Variants in DLG1 observed in about 807,000 individuals in gnomAD.
DLG1 encodes the protein disks large homolog 1.
DLG1 carries 42 observed loss-of-function variants against 123.4 expected under a neutral mutation model. The observed-to-expected ratio is 0.34, with a 90% confidence interval of 0.27 to 0.44. The LOEUF is 0.44. DLG1 is among the 20% of genes least tolerant of loss of function. DLG1 has a pLI of 1.00. For missense variants in DLG1, 942 were observed against 1,082.6 expected (o/e 0.87, Z 1.82); for synonymous variants, 317 against 356.2 (o/e 0.89, Z 1.24).
At chr3:197,294,470 C>A (rs1776399502) in intron 3 of DLG1, among the ~76,000 whole-genome samples, 1 of 152,016 alleles carries the variant, frequency 6.6e-6, no homozygotes, top group Non-Finnish European at 1.5e-5. Flanking sequence ...CACAGTGAAA[C>A]CCCGTCTTTA....
intron 5 of DLG1, among the ~76,000 whole-genome samples, chr3:197,168,109 AT>A (rs1301757428): frequency 6.6e-6 from 1 of 152,204 alleles, no homozygotes; most frequent in African/African-American, 2.4e-5. Context: ...TTAATGTTAC[AT>A]TTTAATCCCA....
In DLG1 at chr3:197,065,854, A is replaced by G. The variant is rs1560430243; in HGVS notation, c.2099-45T>C. The G allele has an allele frequency of 5.8e-6, 7 of 1,201,842 alleles. No homozygotes were observed. The South Asian group carries it at 8.0e-5, about 14-fold the overall frequency. 74.4% of individuals were successfully genotyped at this position (1,201,842 alleles called of 1,614,324 possible). A position where few individuals can be genotyped will look rare whatever the true frequency, so the allele number is the denominator to read the frequency against. On this transcript the variant is annotated intron_variant, in intron 20 of 24. Coordinates refer to ENST00000667157, the MANE Select transcript of DLG1 (RefSeq NM_001366207.1). ...GTTAAAAGGAATAAACATTCAACAA[A>G]TATCAATGTATTTTATTTCACCAGC...
At chr3:197,240,582 C>T (rs1748330029) in intron 4 of DLG1, among the ~76,000 whole-genome samples, 1 of 151,942 alleles carries the variant, frequency 6.6e-6, no homozygotes, top group South Asian at 2.1e-4. Flanking sequence ...GCTCTCTGAC[C>T]AATATTCAAA....
chr3:197,263,349 G>T (rs76094233), intron 4 of DLG1, among the ~76,000 whole-genome samples: 74 of 1,656 alleles, frequency 0.045, no homozygotes, highest in Non-Finnish European at 0.074. Context: ...CATTTTCTTC[G>T]GGGGGGTGGG....
intron 4 of DLG1, among the ~76,000 whole-genome samples, chr3:197,255,312 G>C (rs1220699044): frequency 6.6e-6 from 1 of 152,054 alleles, no homozygotes; most frequent in Admixed American, 6.6e-5. Flanking sequence ...AATAAAACCT[G>C]TTTGATTTAG....
intron 5 of DLG1, among the ~76,000 whole-genome samples, chr3:197,174,868 T>C (rs1806164729): frequency 6.6e-6 from 1 of 152,196 alleles, no homozygotes; most frequent in African/African-American, 2.4e-5. Context: ...ACAACACAAA[T>C]TGTAAAGCAA....
intron 24 of DLG1, among the ~76,000 whole-genome samples, chr3:197,049,662 G>C (rs146050195): frequency 0.021 from 2,928 of 138,788 alleles, 75 homozygotes; most frequent in African/African-American, 0.066. Context: ...TGAGGCAGGA[G>C]AATCGCTTGA....
intron 4 of DLG1, among the ~76,000 whole-genome samples, chr3:197,235,657 A>G (rs1380740950): frequency 6.6e-6 from 1 of 152,226 alleles, no homozygotes; most frequent in African/African-American, 2.4e-5. Context: ...AAATGACTTA[A>G]TTGCCTTCCA....
rs111795895 is a variant in DLG1 at position 197,107,417 on chromosome 3, C to T, written c.1444-2412G>A. 8.2e-3 allele frequency among the ~76,000 whole-genome samples: 1,249 copies of T among 152,114 alleles called. 12 individuals are homozygous for T. Among genetic ancestry groups the T allele is most frequent in the African/African-American group, 0.027 (1,128 of 41,490 alleles). On this transcript the variant is annotated intron_variant, in intron 13 of 24. Transcript: ENST00000667157. ...AAAATTAGCCGGGCGTGGTGGCAGG[C>T]ACCTGTAGTCCCAGCTACTTGGGAG...
At chr3:197,117,761 T>C (rs1579579250) in intron 12 of DLG1, among the ~76,000 whole-genome samples, 1 of 152,128 alleles carries the variant, frequency 6.6e-6, no homozygotes, top group Non-Finnish European at 1.5e-5. Flanking sequence ...GTTCCGAAAA[T>C]TGTGAATGCA....
chr3:197,140,104 T>C lies in DLG1; in HGVS notation c.713+36A>G, dbSNP rs760064465. 6.3e-6 allele frequency: 10 copies of C among 1,596,018 alleles called. No individual in the cohort carries two copies. The East Asian group carries it at 2.0e-4, about 32-fold the overall frequency. ...TCTGCTTCAAGAAAAATACACAAAG[T>C]GGATTCAGCATCACAATAAAAAGCG... On this transcript the variant is annotated intron_variant, in intron 8 of 24. Coordinates refer to ENST00000667157, the MANE Select transcript of DLG1 (RefSeq NM_001366207.1).
At chr3:197,200,011 T>A (rs531235611) in intron 4 of DLG1, among the ~76,000 whole-genome samples, 1 of 152,190 alleles carries the variant, frequency 6.6e-6, no homozygotes, top group Non-Finnish European at 1.5e-5. Flanking sequence ...GCCCTTAATC[T>A]TGGTTAACAA....
chr3:197,060,538 A>C (rs1483007954), intron 22 of DLG1, among the ~76,000 whole-genome samples: 1 of 152,236 alleles, frequency 6.6e-6, no homozygotes, highest in Admixed American at 6.5e-5. Context: ...CCCTAGAGTA[A>C]GGGCAAACCT....
At chr3:197,292,381 C>G (rs1172548924) in intron 3 of DLG1, among the ~76,000 whole-genome samples, 1 of 152,208 alleles carries the variant, frequency 6.6e-6, no homozygotes, top group Non-Finnish European at 1.5e-5. Context: ...ACAAATACTT[C>G]TATGAGGTTT....
chr3:197,134,513 A>T (rs536050117), intron 10 of DLG1, among the ~76,000 whole-genome samples: 3 of 151,258 alleles, frequency 2.0e-5, no homozygotes, highest in African/African-American at 7.3e-5. Flanking sequence ...ATAGATTTTT[A>T]AAAACCAGTA....
intron 4 of DLG1, among the ~76,000 whole-genome samples, chr3:197,253,020 A>G (rs1755216209): frequency 6.6e-6 from 1 of 152,162 alleles, no homozygotes; most frequent in Non-Finnish European, 1.5e-5. Context: ...TTCAAAACCT[A>G]GGGTTAGGCA....
At chr3:197,140,380 T>A (rs1787367769) in intron 7 of DLG1, 116 bp from the exon 8 acceptor site, 1 of 987,608 alleles carries the variant, frequency 1.0e-6, no homozygotes, top group East Asian at 2.5e-5. Flanking sequence ...AATAAAGGTA[T>A]ATGGGTGAGT....
intron 15 of DLG1, among the ~76,000 whole-genome samples, chr3:197,089,667 A>T (rs1023834438): frequency 6.6e-6 from 1 of 152,138 alleles, no homozygotes. Context: ...AATCAAGTAC[A>T]AATAAAAGGC....
At chr3:197,119,980 C>G (rs1013659414) in intron 11 of DLG1, among the ~76,000 whole-genome samples, 1 of 152,192 alleles carries the variant, frequency 6.6e-6, no homozygotes, top group Non-Finnish European at 1.5e-5. Flanking sequence ...AAACTGTCGT[C>G]CAGGCGTAGT....
Sources: allele counts gnomAD v4.1 joint callset (sites outside exome capture counted in the v4.1 genomes callset), GRCh38; gene constraint gnomAD v4.1.1; transcripts MANE v1.5; gene names NCBI Gene and HGNC (gene_info 2026-07-23, HGNC 2026-07-21).